The following GRIN3A variants were observed in gnomAD, a reference collection of about 807,000 sequenced individuals.
The protein encoded by GRIN3A is glutamate receptor ionotropic, NMDA 3A.
Under a neutral mutation model 92.4 loss-of-function variants are expected in GRIN3A, and 47 were observed. The observed-to-expected ratio is 0.51, with a 90% CI of 0.40 to 0.65. GRIN3A has a LOEUF of 0.65. Ranked by LOEUF, GRIN3A falls within the 30% of genes least tolerant of loss-of-function variation. GRIN3A has a pLI of 0.00. For synonymous variants in GRIN3A, 527 were observed against 540.6 expected (o/e 0.97, Z 0.35); for missense variants, 1,324 against 1,393.1 (o/e 0.95, Z 0.79).
At chr9:101,722,533 C>T (rs948899278) in intron 1 of GRIN3A, among the ~76,000 whole-genome samples, 1 of 152,188 alleles carries the variant, frequency 6.6e-6, no homozygotes, top group Non-Finnish European at 1.5e-5. Flanking sequence ...CACTCAACGC[C>T]AGCCTGTGAA....
At chr9:101,664,118 G>A (rs11792639) in intron 3 of GRIN3A, among the ~76,000 whole-genome samples, 1 of 151,744 alleles carries the variant, frequency 6.6e-6, no homozygotes, top group Non-Finnish European at 1.5e-5. Context: ...TCCTGTGAGT[G>A]CCCAGATCCA....
intron 1 of GRIN3A, among the ~76,000 whole-genome samples, chr9:101,734,261 A>C (rs1221635274): frequency 6.6e-6 from 1 of 152,250 alleles, no homozygotes; most frequent in East Asian, 1.9e-4. Flanking sequence ...AAATGGAATT[A>C]GGTTCATATT....
In GRIN3A at chr9:101,670,044, TAA is replaced by T; in HGVS notation, c.2352+14_2352+15del. 6.4e-7 allele frequency: 1 copy of T among 1,562,988 alleles called. No homozygotes were observed. The highest frequency in any genetic ancestry group is 8.8e-7 in the Non-Finnish European group (1 of 1,133,752). ...TAATGGACAATCAAGAAAGCTAAAG[TAA>T]AATGAAGTATTACCTTGGGGTCATG... is the stretch of plus-strand genomic sequence containing the variant. On this transcript the variant is annotated intron_variant, in intron 3 of 8. Coordinates refer to ENST00000361820, the MANE Select transcript of GRIN3A (RefSeq NM_133445.3).
Position 101,579,182 on chromosome 9 carries a change from C to G in GRIN3A, c.2931+14G>C, listed in dbSNP as rs936095542. ...AGTTTAAGAATATTGGAGCAAGACA[C>G]CTGTGGCACTCACCTGGCTGGTGTG... On this transcript the variant is annotated intron_variant, in intron 7 of 8. Coordinates refer to ENST00000361820, the MANE Select transcript of GRIN3A (RefSeq NM_133445.3). The G allele has an allele frequency of 4.3e-6, 7 of 1,613,256 alleles. No homozygotes were observed. In the African/African-American group the frequency reaches 9.3e-5, roughly 22 times the overall value.
chr9:101,660,119 T>C (rs1192637958), intron 3 of GRIN3A, among the ~76,000 whole-genome samples: 1 of 151,742 alleles, frequency 6.6e-6, no homozygotes, highest in Non-Finnish European at 1.5e-5. Context: ...TCCAACTCCA[T>C]AATATACCAC....
intron 3 of GRIN3A, among the ~76,000 whole-genome samples, chr9:101,637,471 G>A (rs534699290): frequency 6.6e-6 from 1 of 152,326 alleles, no homozygotes; most frequent in African/African-American, 2.4e-5. Flanking sequence ...GCATGGGCTA[G>A]AGAAAACAAT....
At chr9:101,656,609 G>T (rs1388419992) in intron 3 of GRIN3A, among the ~76,000 whole-genome samples, 1 of 151,828 alleles carries the variant, frequency 6.6e-6, no homozygotes, top group East Asian at 1.9e-4. Flanking sequence ...TGCAGATTCT[G>T]GTTTAGTAGG....
At chr9:101,728,681 A>G (rs1399019348) in intron 1 of GRIN3A, among the ~76,000 whole-genome samples, 1 of 152,166 alleles carries the variant, frequency 6.6e-6, no homozygotes, top group African/African-American at 2.4e-5. Context: ...TAAAATTTCA[A>G]CCATTATCCT....
intron 6 of GRIN3A, among the ~76,000 whole-genome samples, chr9:101,606,532 C>T (rs1828283539): frequency 6.6e-6 from 1 of 152,064 alleles, no homozygotes. Flanking sequence ...GTGGTAATGG[C>T]TCCCTCACTT....
chr9:101,684,177 A>T (rs1377668020), intron 2 of GRIN3A, among the ~76,000 whole-genome samples: 1 of 145,134 alleles, frequency 6.9e-6, no homozygotes, highest in Non-Finnish European at 1.5e-5. Context: ...ATCTCGGCTC[A>T]CTGCAACCTC....
intron 1 of GRIN3A, among the ~76,000 whole-genome samples, chr9:101,688,796 A>T (rs553891428): frequency 2.3e-4 from 35 of 152,232 alleles, no homozygotes; most frequent in African/African-American, 7.7e-4. Context: ...TGAACCTGGG[A>T]GATGGAGGTT....
intron 3 of GRIN3A, among the ~76,000 whole-genome samples, chr9:101,662,398 T>A (rs1382637740): frequency 6.6e-6 from 1 of 151,770 alleles, no homozygotes; most frequent in East Asian, 1.9e-4. Context: ...CTATGCAAGG[T>A]GCTTTACTTG....
intron 3 of GRIN3A, among the ~76,000 whole-genome samples, chr9:101,653,817 A>G (rs1048080935): frequency 1.4e-4 from 22 of 151,872 alleles, no homozygotes; most frequent in Non-Finnish European, 5.9e-5. Flanking sequence ...TTTATATTTA[A>G]CTATGCTAAA....
chr9:101,623,287 TA>T, intron 5 of GRIN3A, 30 bp downstream of exon 5: 1 of 1,457,826 alleles, frequency 6.9e-7, no homozygotes, highest in Non-Finnish European at 9.6e-7. Flanking sequence ...ACATCCTGAG[TA>T]AAAGTGAATC....
intron 4 of GRIN3A, among the ~76,000 whole-genome samples, chr9:101,624,278 G>A (rs1486746666): frequency 6.6e-6 from 1 of 151,422 alleles, no homozygotes; most frequent in Admixed American, 6.6e-5. Context: ...CAATGTGCAG[G>A]TTAGTTACAT....
intron 1 of GRIN3A, among the ~76,000 whole-genome samples, chr9:101,694,314 T>C (rs750182391): frequency 6.6e-6 from 1 of 152,224 alleles, no homozygotes; most frequent in Non-Finnish European, 1.5e-5. Context: ...AAGAATTGCA[T>C]GTCTTCAGGC....
At chr9:101,684,094 T>TTTTCTTTCTTTCTTTCTTTCTTTCTTTC (rs542469654) in intron 2 of GRIN3A, among the ~76,000 whole-genome samples, 9 of 144,330 alleles carry the variant, frequency 6.2e-5, no homozygotes, top group African/African-American at 2.3e-4. Flanking sequence ...CTTCCTGTCT[T>TTTTCTTTCTTTCTTTCTTTCTTTCTTTC]TTTCTTTCTT....
intron 1 of GRIN3A, among the ~76,000 whole-genome samples, chr9:101,736,933 A>G (rs1830214457): frequency 6.6e-6 from 1 of 151,634 alleles, no homozygotes; most frequent in Non-Finnish European, 1.5e-5. Flanking sequence ...CAGAACCTTC[A>G]CCGCTCTCCA....
intron 6 of GRIN3A, among the ~76,000 whole-genome samples, chr9:101,584,666 A>G (rs1274553609): frequency 6.6e-6 from 1 of 152,234 alleles, no homozygotes; most frequent in African/African-American, 2.4e-5. Flanking sequence ...CACCATCTAT[A>G]AATTTACTAG....
Sources: allele counts gnomAD v4.1 joint callset (sites outside exome capture counted in the v4.1 genomes callset), GRCh38; gene constraint gnomAD v4.1.1; transcripts MANE v1.5; gene names NCBI Gene and HGNC (gene_info 2026-07-23, HGNC 2026-07-21).